NFATC3: variants seen among roughly 807,000 people sequenced by gnomAD.
NFATC3 encodes nuclear factor of activated T cells 3, also known as nuclear factor of activated T-cells, cytoplasmic 3.
NFATC3 carries 46 observed loss-of-function variants against 98.6 expected under a neutral mutation model. The observed-to-expected ratio is 0.47, with a 90% CI of 0.37 to 0.60. The LOEUF (loss-of-function observed/expected upper bound fraction) is 0.60. Among genes scored for constraint, NFATC3 ranks in the 20% least tolerant of loss-of-function variants. NFATC3 has a pLI of 0.00. For missense variants in NFATC3, 1,256 were observed against 1,295.5 expected (o/e 0.97, Z 0.47); for synonymous variants, 512 against 472.2 (o/e 1.08, Z -1.09).
chr16:68,193,929 G>C (rs547360943), intron 9 of NFATC3, among the ~76,000 whole-genome samples: 22 of 151,628 alleles, frequency 1.5e-4, no homozygotes, highest in African/African-American at 5.3e-4. Flanking sequence ...GGGGTCCGGG[G>C]TGGGGGATGG....
intron 6 of NFATC3, among the ~76,000 whole-genome samples, chr16:68,175,550 TA>T (rs2151614732): frequency 6.6e-6 from 1 of 152,320 alleles, no homozygotes; most frequent in South Asian, 2.1e-4. Flanking sequence ...TAAAAATGTT[TA>T]AAACTTATGA....
At chr16:68,121,896 T>G in intron 1 of NFATC3, 91 bp from the exon 2 acceptor site, 1 of 1,404,474 alleles carries the variant, frequency 7.1e-7, no homozygotes, top group Non-Finnish European at 9.5e-7. Flanking sequence ...GAGATTGTTA[T>G]TATTTACTTT....
intron 1 of NFATC3, among the ~76,000 whole-genome samples, chr16:68,087,871 A>T (rs572789816): frequency 3.9e-5 from 6 of 152,242 alleles, no homozygotes; most frequent in African/African-American, 1.4e-4. Context: ...GTGTGTGTGT[A>T]TAAAGGAACA....
chr16:68,165,444 T>C (rs982076725), intron 4 of NFATC3, among the ~76,000 whole-genome samples: 1 of 149,648 alleles, frequency 6.7e-6, no homozygotes, highest in East Asian at 2.0e-4. Flanking sequence ...TTGCCCAGGC[T>C]GGAGTGCAGT....
At chr16:68,225,776 G>T (rs1366697230) in intron 9 of NFATC3, 1 of 152,196 alleles carries the variant, frequency 6.6e-6, no homozygotes, top group African/African-American at 2.4e-5. Context: ...TGTTAGTTCT[G>T]TAAGATGGAA....
intron 5 of NFATC3, among the ~76,000 whole-genome samples, chr16:68,171,824 T>G (rs2039476463): frequency 6.6e-6 from 1 of 150,806 alleles, no homozygotes; most frequent in South Asian, 2.1e-4. Flanking sequence ...GTCTCGCTGT[T>G]TCGCCCAGGG....
intron 8 of NFATC3, among the ~76,000 whole-genome samples, chr16:68,183,629 C>A (rs937547304): frequency 2.0e-5 from 3 of 151,984 alleles, no homozygotes; most frequent in Non-Finnish European, 2.9e-5. Flanking sequence ...TCAAAAATTC[C>A]CAGCATTACA....
intron 9 of NFATC3, chr16:68,221,660 A>G: frequency 1.1e-6 from 1 of 921,250 alleles, no homozygotes; most frequent in Non-Finnish European, 1.3e-6. Flanking sequence ...CTGTAGTATA[A>G]TGTATAGTTG....
intron 1 of NFATC3, among the ~76,000 whole-genome samples, chr16:68,112,324 C>G (rs1353890439): frequency 8.1e-6 from 1 of 123,912 alleles, no homozygotes; most frequent in Non-Finnish European, 1.6e-5. Flanking sequence ...GTTGCCCAGG[C>G]TGGAGTGCAG....
At chr16:68,138,240 A>T (rs1303276297) in intron 3 of NFATC3, among the ~76,000 whole-genome samples, 1 of 150,674 alleles carries the variant, frequency 6.6e-6, no homozygotes. Flanking sequence ...GGGTTTCGTC[A>T]TGTTGGCCAG....
At chr16:68,211,546 G>A (rs935939135) in intron 9 of NFATC3, among the ~76,000 whole-genome samples, 7 of 144,858 alleles carry the variant, frequency 4.8e-5, no homozygotes, top group Non-Finnish European at 9.0e-5. Flanking sequence ...TGTTTGAGTC[G>A]GAGTCTCACC....
At chr16:68,164,431 C>T (rs1029234031) in intron 4 of NFATC3, among the ~76,000 whole-genome samples, 9 of 152,028 alleles carry the variant, frequency 5.9e-5, no homozygotes, top group African/African-American at 2.2e-4. Flanking sequence ...AGAGGGAGAG[C>T]GCCTAATCTC....
In NFATC3 at chr16:68,112,646, G is replaced by GTTTTTT. The variant is rs914607835; in HGVS notation, c.104-9323_104-9318dup. On this transcript the variant is annotated intron_variant, in intron 1 of 9. Transcript: ENST00000346183. ...CATTTCTTTTCATTTTTTCTTTTTC[G>GTTTTTT]TTTTTTTTTTTTTTTTTTTTTTTGA... Among the ~76,000 whole-genome samples the GTTTTTT allele has an allele frequency of 1.1e-3, 105 of 97,660 alleles. 1 individual carries two copies. Among genetic ancestry groups the GTTTTTT allele is most frequent in the Middle Eastern group, 9.3e-3 (1 of 108 alleles). The allele number at this position is 97,660 out of a possible 152,430, so 64.1% of individuals were successfully genotyped here. A position where few individuals can be genotyped will look rare whatever the true frequency, so the allele number is the denominator to read the frequency against.
intron 9 of NFATC3, chr16:68,214,470 C>A: frequency 6.4e-7 from 1 of 1,574,572 alleles, no homozygotes; most frequent in South Asian, 1.1e-5. Flanking sequence ...TTTTTGTGCC[C>A]AAGTCTGGTA....
At chr16:68,157,018 A>C (rs1395524733) in intron 3 of NFATC3, among the ~76,000 whole-genome samples, 1 of 152,146 alleles carries the variant, frequency 6.6e-6, no homozygotes, top group Non-Finnish European at 1.5e-5. Context: ...ACTCACACCT[A>C]ATATCATACT....
chr16:68,198,044 G>A (rs939860878), intron 9 of NFATC3, among the ~76,000 whole-genome samples: 4 of 152,186 alleles, frequency 2.6e-5, no homozygotes, highest in Admixed American at 2.0e-4. Context: ...TATAGACTGA[G>A]CATGGTGGCT....
At chr16:68,206,855 C>T (rs146589304) in intron 9 of NFATC3, among the ~76,000 whole-genome samples, 123 of 151,878 alleles carry the variant, frequency 8.1e-4, no homozygotes, top group East Asian at 1.4e-3. Context: ...TGGTGGTGTG[C>T]GCCTGTAGTT....
At chr16:68,185,135 C>T (rs570125239) in intron 8 of NFATC3, among the ~76,000 whole-genome samples, 8 of 151,976 alleles carry the variant, frequency 5.3e-5, no homozygotes, top group Non-Finnish European at 1.0e-4. Flanking sequence ...TTACAGGTAC[C>T]CTGGCTAATT....
intron 3 of NFATC3, among the ~76,000 whole-genome samples, chr16:68,152,471 T>C (rs1463438327): frequency 4.0e-5 from 6 of 151,852 alleles, no homozygotes; most frequent in Non-Finnish European, 8.8e-5. Flanking sequence ...CCAGGGGTTA[T>C]CAAACTATGG....
Sources: allele counts gnomAD v4.1 joint callset (sites outside exome capture counted in the v4.1 genomes callset), GRCh38; gene constraint gnomAD v4.1.1; transcripts MANE v1.5; gene names NCBI Gene and HGNC (gene_info 2026-07-23, HGNC 2026-07-21).